Variants in HSDL1 observed in about 807,000 individuals in gnomAD.
HSDL1 encodes the protein hydroxysteroid dehydrogenase like 1.
In HSDL1, 29 loss-of-function variants were observed where a neutral mutation model predicts 31.5. The ratio of observed to expected loss-of-function variants is 0.92; its 90% CI spans 0.69 to 1.26. The LOEUF (loss-of-function observed/expected upper bound fraction) is 1.26, where lower values mean the gene tolerates loss of function less well. Among genes scored for constraint, HSDL1 ranks in the 50% most tolerant of loss-of-function variants. The pLI is 0.00. For missense variants in HSDL1, 503 were observed against 416.6 expected, an observed-to-expected ratio of 1.21 and a Z score of -1.81; for synonymous variants, 222 against 155.2, an observed-to-expected ratio of 1.43 and a Z score of -3.20.
At chr16:84,134,548 G>A (rs2086695979) in intron 2 of HSDL1, among the ~76,000 whole-genome samples, 1 of 152,026 alleles carries the variant, frequency 6.6e-6, no homozygotes, top group East Asian at 1.9e-4. Context: ...GCAGGCGGAA[G>A]TAACAGTGAG....
At chr16:84,127,629 C>T (rs956012079) in intron 5 of HSDL1, among the ~76,000 whole-genome samples, 1 of 150,598 alleles carries the variant, frequency 6.6e-6, no homozygotes, top group South Asian at 2.1e-4. Flanking sequence ...TGCAAACAGT[C>T]CCAAAAATAT....
intron 2 of HSDL1, among the ~76,000 whole-genome samples, chr16:84,134,030 A>G (rs892903827): frequency 4.6e-5 from 7 of 152,196 alleles, no homozygotes; most frequent in African/African-American, 9.6e-5. Context: ...TTTCTGAGCA[A>G]TCTTCCGTAC....
intron 1 of HSDL1, among the ~76,000 whole-genome samples, chr16:84,136,051 T>C (rs2086709409): frequency 6.6e-6 from 1 of 152,186 alleles, no homozygotes; most frequent in African/African-American, 2.4e-5. Flanking sequence ...ACTGCCTCAC[T>C]CTGCACACCC....
In HSDL1 at chr16:84,129,971, T is replaced by C. The variant is rs1431427707; in HGVS notation, c.666+15A>G. On this transcript the variant is annotated intron_variant, in intron 4 of 5. Transcript: ENST00000219439. ...GTGGCATTAGGATTTCATCTTCCAG[T>C]AAGTAACATCTGACCTTAGAAGCAG... 1.9e-6 allele frequency: 3 copies of C among 1,603,154 alleles called. No homozygotes were observed. In the South Asian group the frequency reaches 3.3e-5, roughly 18 times the overall value.
At chr16:84,144,990 C>G (rs983141375) in intron 1 of HSDL1, 90 bp downstream of exon 1, 2 of 152,424 alleles carry the variant, frequency 1.3e-5, no homozygotes, top group Admixed American at 1.3e-4. Flanking sequence ...AGGGGTCTCG[C>G]CAAGCAGCCG....
intron 1 of HSDL1, among the ~76,000 whole-genome samples, chr16:84,138,272 G>T (rs1185527230): frequency 6.6e-6 from 1 of 152,196 alleles, no homozygotes; most frequent in Non-Finnish European, 1.5e-5. Context: ...TTATTCTAAA[G>T]CTTTATTTTC....
At chr16:84,136,491 G>A (rs1335264138) in intron 1 of HSDL1, among the ~76,000 whole-genome samples, 1 of 152,256 alleles carries the variant, frequency 6.6e-6, no homozygotes, top group African/African-American at 2.4e-5. Context: ...CTCACAGGCA[G>A]TCTTCCTGTC....
chr16:84,138,961 A>G (rs1221584133), intron 1 of HSDL1, among the ~76,000 whole-genome samples: 3 of 152,334 alleles, frequency 2.0e-5, no homozygotes, highest in Middle Eastern at 3.4e-3. Context: ...AATCAACTCA[A>G]ATAGAAAAAC....
rs752727714 is a variant in HSDL1, at chr16:84,124,392, C to A, written c.*238G>T. On this transcript the variant is annotated 3_prime_UTR_variant, in exon 6 of 6. Transcript: ENST00000219439. ...ACTTTCAAACAGCTTAGGGAAAAAG[C>A]ACTGAAATGTAGATGTCGTCAATCA... 3 of 366,850 alleles carry A rather than the reference C, an allele frequency of 8.2e-6. No homozygotes were observed. The highest frequency in any genetic ancestry group is 1.5e-5 in the Non-Finnish European group (3 of 196,432). 22.7% of individuals were successfully genotyped at this position (366,850 alleles called of 1,614,324 possible). A position where few individuals can be genotyped will look rare whatever the true frequency, so the allele number is the denominator to read the frequency against.
In HSDL1 at chr16:84,124,636, T is replaced by A; in HGVS notation, c.987A>T (p.Thr329=). 6.2e-7 allele frequency: 1 copy of A among 1,609,916 alleles called. No individual in the cohort carries two copies. The highest frequency in any genetic ancestry group is 8.5e-7 in the Non-Finnish European group (1 of 1,176,112). ...CTCAAGTGGCCATCCAGACTCAGGC[T>A]GTGCAGGATAAGGCTTCCTTACGTA... The part of the protein sequence containing the change: ...RSLRKEALSC[T]A The change falls in exon 6 of 6, where the codon ACA becomes ACT. Residue 329 remains threonine, a synonymous_variant. Coordinates refer to ENST00000219439, the MANE Select transcript of HSDL1 (RefSeq NM_031463.5).
intron 2 of HSDL1, among the ~76,000 whole-genome samples, chr16:84,132,116 G>T (rs1389228037): frequency 6.6e-6 from 1 of 152,306 alleles, no homozygotes; most frequent in East Asian, 1.9e-4. Flanking sequence ...ACATGCTGTG[G>T]CTACAGAGAT....
chr16:84,139,895 T>C (rs2086749017), intron 1 of HSDL1, among the ~76,000 whole-genome samples: 1 of 152,172 alleles, frequency 6.6e-6, no homozygotes. Flanking sequence ...GATGAAAACA[T>C]TTTTCCAAAT....
At chr16:84,144,669 G>T (rs1035627223) in intron 1 of HSDL1, among the ~76,000 whole-genome samples, 3 of 152,250 alleles carry the variant, frequency 2.0e-5, no homozygotes, top group Non-Finnish European at 2.9e-5. Flanking sequence ...CCGCTCGGGG[G>T]AGGAGCCGGG....
intron 5 of HSDL1, among the ~76,000 whole-genome samples, chr16:84,126,297 G>A (rs2086606231): frequency 6.6e-6 from 1 of 152,066 alleles, no homozygotes; most frequent in Admixed American, 6.6e-5. Context: ...GTGCTCAGGG[G>A]ACCAGGGAAG....
intron 1 of HSDL1, among the ~76,000 whole-genome samples, chr16:84,137,440 G>T (rs3809617): frequency 0.059 from 9,034 of 152,294 alleles, 393 homozygotes; most frequent in African/African-American, 0.12. Context: ...CCAGACTGGA[G>T]TGCATGGACC....
intron 2 of HSDL1, among the ~76,000 whole-genome samples, chr16:84,134,950 C>T (rs534504472): frequency 1.3e-5 from 2 of 152,160 alleles, no homozygotes; most frequent in South Asian, 2.1e-4. Flanking sequence ...ATAGATACTA[C>T]AGGCCAGCCA....
rs1006976909 is a variant in HSDL1, at chr16:84,137,158, G to A, written c.-68-1553C>T. Among the ~76,000 whole-genome samples the A allele has an allele frequency of 2.6e-5, 4 of 152,220 alleles. No individual in the cohort carries two copies. In the East Asian group the frequency reaches 7.7e-4, roughly 29 times the overall value. Reference sequence around the variant, plus strand: ...CAGAAGTCAGAGAAAGATAAACGGAGCAACTGCAACATGAGGTGGCAAGGG... The same window carrying A: ...CAGAAGTCAGAGAAAGATAAACGGAACAACTGCAACATGAGGTGGCAAGGG... On this transcript the variant is annotated intron_variant, in intron 1 of 5. Coordinates refer to ENST00000219439, the MANE Select transcript of HSDL1 (RefSeq NM_031463.5).
chr16:84,126,866 T>C (rs528124225), intron 5 of HSDL1, among the ~76,000 whole-genome samples: 2 of 152,280 alleles, frequency 1.3e-5, no homozygotes, highest in African/African-American at 4.8e-5. Context: ...TAAAAAATGA[T>C]AGTGTTGAAA....
intron 1 of HSDL1, among the ~76,000 whole-genome samples, chr16:84,140,123 T>C (rs531507572): frequency 8.5e-5 from 13 of 152,230 alleles, no homozygotes; most frequent in Admixed American, 5.9e-4. Context: ...CCACCTCTCT[T>C]ACCCATGTGG....
Sources: allele counts gnomAD v4.1 joint callset (sites outside exome capture counted in the v4.1 genomes callset), GRCh38; gene constraint gnomAD v4.1.1; transcripts MANE v1.5; gene names NCBI Gene and HGNC (gene_info 2026-07-23, HGNC 2026-07-21).